PDGFD: variants seen among roughly 807,000 people sequenced by gnomAD.
PDGFD encodes platelet derived growth factor D.
A neutral mutation model predicts 44.7 loss-of-function variants in PDGFD; 30 were observed. The ratio of observed to expected loss-of-function variants is 0.67; its 90% CI spans 0.50 to 0.91. The LOEUF (loss-of-function observed/expected upper bound fraction) is 0.91, where lower values mean the gene tolerates loss of function less well. Among genes scored for constraint, PDGFD ranks in the 40% least tolerant of loss-of-function variants. PDGFD has a pLI of 0.00. For synonymous variants in PDGFD, 173 were observed against 168.4 expected, an observed-to-expected ratio of 1.03 and a Z score of -0.21; for missense variants, 445 against 457.8, an observed-to-expected ratio of 0.97 and a Z score of 0.25.
intron 3 of PDGFD, among the ~76,000 whole-genome samples, chr11:103,985,689 TGAAAC>T (rs1267768731): frequency 1.3e-5 from 2 of 149,138 alleles, no homozygotes; most frequent in African/African-American, 5.2e-5. Flanking sequence ...AAGGGAGAAT[TGAAAC>T]TAGAATGTTA....
chr11:104,120,598 GTA>G (rs1332473105), intron 1 of PDGFD, among the ~76,000 whole-genome samples: 8 of 151,848 alleles, frequency 5.3e-5, no homozygotes. Flanking sequence ...ATCATTTTGT[GTA>G]TGTTTACTAT....
At chr11:104,006,977 A>G (rs260869) in intron 1 of PDGFD, among the ~76,000 whole-genome samples, 30,325 of 152,124 alleles carry the variant, frequency 0.2, 3,360 homozygotes, top group African/African-American at 0.3. Flanking sequence ...CAGCAAGGCT[A>G]AAAGTGCACA....
intron 1 of PDGFD, among the ~76,000 whole-genome samples, chr11:104,097,098 A>G (rs1301634348): frequency 1.3e-5 from 2 of 152,134 alleles, no homozygotes; most frequent in Non-Finnish European, 2.9e-5. Flanking sequence ...TTTGCCCCAG[A>G]CCTCTGCATG....
intron 3 of PDGFD, among the ~76,000 whole-genome samples, chr11:103,962,501 C>T (rs1421485541): frequency 6.6e-6 from 1 of 152,030 alleles, no homozygotes; most frequent in East Asian, 1.9e-4. Flanking sequence ...TCTCTGAGTA[C>T]AAACAAAATA....
chr11:104,158,676 C>CA (rs1179768240), intron 1 of PDGFD, among the ~76,000 whole-genome samples: 3 of 151,446 alleles, frequency 2.0e-5, no homozygotes, highest in Admixed American at 2.0e-4. Context: ...ACTAAAAACA[C>CA]AAAAAAATTA....
intron 4 of PDGFD, among the ~76,000 whole-genome samples, chr11:103,944,062 C>A (rs966474538): frequency 4.6e-5 from 7 of 152,168 alleles, no homozygotes; most frequent in Non-Finnish European, 1.0e-4. Context: ...TAATTCCACT[C>A]TCCCACTGTT....
intron 1 of PDGFD, among the ~76,000 whole-genome samples, chr11:104,099,697 T>A (rs1333925415): frequency 1.3e-5 from 2 of 150,472 alleles, no homozygotes; most frequent in Admixed American, 1.3e-4. Flanking sequence ...AAAAATGGAA[T>A]ATATCTCATC....
intron 6 of PDGFD, among the ~76,000 whole-genome samples, chr11:103,925,977 C>T (rs1023200432): frequency 3.9e-5 from 6 of 152,036 alleles, no homozygotes; most frequent in Non-Finnish European, 7.4e-5. Flanking sequence ...GATCCACCCA[C>T]CTCGGCCTCC....
At chr11:103,914,863 T>C (rs547489031) in intron 6 of PDGFD, among the ~76,000 whole-genome samples, 4 of 152,280 alleles carry the variant, frequency 2.6e-5, no homozygotes, top group East Asian at 1.9e-4. Context: ...ATTATCTCAA[T>C]AGATGCAGAA....
intron 1 of PDGFD, among the ~76,000 whole-genome samples, chr11:104,044,591 GCATGTATAAATGTA>G (rs779144078): frequency 4.9e-4 from 74 of 152,236 alleles, no homozygotes; most frequent in Non-Finnish European, 9.7e-4. Context: ...ATCAATATTT[GCATGTATAAATGTA>G]CATGTAAGCT....
intron 1 of PDGFD, among the ~76,000 whole-genome samples, chr11:104,015,419 A>G (rs1859846612): frequency 6.6e-6 from 1 of 152,226 alleles, no homozygotes. Flanking sequence ...CTGAGAAAAA[A>G]GACCAATTTT....
chr11:103,924,336 T>C (rs1215902332), intron 6 of PDGFD, among the ~76,000 whole-genome samples: 1 of 152,214 alleles, frequency 6.6e-6, no homozygotes, highest in African/African-American at 2.4e-5. Context: ...TCTGCATTTA[T>C]CCTTGGGGTA....
At chr11:104,160,884 A>G (rs7936429) in intron 1 of PDGFD, among the ~76,000 whole-genome samples, 91,976 of 151,978 alleles carry the variant, frequency 0.61, 28,557 homozygotes, top group African/African-American at 0.76. Flanking sequence ...CTATCATTCG[A>G]CAACCCTAAC....
At chr11:103,956,110 G>C (rs1858841554) in intron 3 of PDGFD, among the ~76,000 whole-genome samples, 1 of 147,956 alleles carries the variant, frequency 6.8e-6, no homozygotes, top group Admixed American at 6.8e-5. Flanking sequence ...TGTGGACAAT[G>C]TGCAGGTTAG....
At chr11:103,984,219 C>T (rs1014687016) in intron 3 of PDGFD, among the ~76,000 whole-genome samples, 3 of 151,620 alleles carry the variant, frequency 2.0e-5, no homozygotes, top group Non-Finnish European at 2.9e-5. Flanking sequence ...CTATGGAATA[C>T]AATGCAGCCA....
intron 1 of PDGFD, among the ~76,000 whole-genome samples, chr11:104,005,613 T>C (rs1432937157): frequency 6.6e-6 from 1 of 152,336 alleles, no homozygotes; most frequent in African/African-American, 2.4e-5. Context: ...GGAGCAACTA[T>C]TGCCAGGTAC....
At chr11:103,953,401 A>C (rs1858787836) in intron 3 of PDGFD, among the ~76,000 whole-genome samples, 1 of 152,194 alleles carries the variant, frequency 6.6e-6, no homozygotes, top group Non-Finnish European at 1.5e-5. Context: ...AAATGTACAG[A>C]TATATGAATG....
chr11:104,118,326 T>C (rs1048883958), intron 1 of PDGFD, among the ~76,000 whole-genome samples: 4 of 151,910 alleles, frequency 2.6e-5, no homozygotes, highest in East Asian at 1.9e-4. Context: ...CTCTAGGCTA[T>C]GTGAGGATAC....
rs575058380 is a variant in PDGFD at position 103,924,015 on chromosome 11, G to A, written c.987+2897C>T. 9.2e-5 allele frequency among the ~76,000 whole-genome samples: 14 copies of A among 152,320 alleles called. No individual in the cohort carries two copies. The Middle Eastern group carries it at 0.01, about 111-fold the overall frequency. ...ATTAACTGAGAACAGAAATTTGCAA[G>A]TAATGGTTATTGTGTAGAGAGATAA... On this transcript the variant is annotated intron_variant, in intron 6 of 6. Transcript: ENST00000393158.
Sources: allele counts gnomAD v4.1 joint callset (sites outside exome capture counted in the v4.1 genomes callset), GRCh38; gene constraint gnomAD v4.1.1; transcripts MANE v1.5; gene names NCBI Gene and HGNC (gene_info 2026-07-23, HGNC 2026-07-21).